Variants in AQP9 observed in about 807,000 individuals in gnomAD.
The protein encoded by AQP9 is aquaporin 9.
In AQP9, 19 loss-of-function variants were observed where a neutral mutation model predicts 23.8. The observed-to-expected ratio is 0.80, with a 90% CI of 0.56 to 1.17. The LOEUF is 1.17. AQP9 is among the 50% of genes most tolerant of loss of function. The pLI, the probability that AQP9 is intolerant of heterozygous loss-of-function variation, is 0.00. For synonymous variants in AQP9, 153 were observed against 131.5 expected, an observed-to-expected ratio of 1.16 and a Z score of -1.12; for missense variants, 413 against 362.0, an observed-to-expected ratio of 1.14 and a Z score of -1.14.
chr15:58,168,423 G>A (rs1898554376), intron 2 of AQP9, among the ~76,000 whole-genome samples: 1 of 152,204 alleles, frequency 6.6e-6, no homozygotes, highest in South Asian at 2.1e-4. Context: ...CTGCAGTTAA[G>A]CTGGCTGGCC....
rs1305241527 is a variant in AQP9, at chr15:58,179,258, T to G, written c.626T>G (p.Leu209Arg). ...LIIVIASSLG[L>R]NSGCAMNPAR... is the part of the protein sequence containing the mutation. ...ATTGTCATTGCTTCCTCCCTGGGAC[T>G]GAACAGTGGCTGTGCCATGAACCCA... Residue 209 changes from leucine to arginine, a missense_variant, in exon 5 of 6, where the codon CTG becomes CGG. Physicochemically the swap from Leu to Arg is moderately radical, Grantham distance 102. Transcript: ENST00000219919. 1 of 1,614,184 alleles carries G rather than the reference T, an allele frequency of 6.2e-7. No homozygotes were observed. Among genetic ancestry groups the G allele is most frequent in the Non-Finnish European group, 8.5e-7 (1 of 1,180,010 alleles).
chr15:58,179,549 G>C (rs1037107159), intron 5 of AQP9, among the ~76,000 whole-genome samples: 3 of 151,840 alleles, frequency 2.0e-5, no homozygotes, highest in East Asian at 1.9e-4. Context: ...AAGAGAGAGA[G>C]AGACAGAGAA....
At chr15:58,178,535 T>C (rs1898807140) in intron 4 of AQP9, among the ~76,000 whole-genome samples, 1 of 152,256 alleles carries the variant, frequency 6.6e-6, no homozygotes, top group Non-Finnish European at 1.5e-5. Context: ...CTGAATTTCC[T>C]TTTAAAAGCA....
At chr15:58,174,274 C>A (rs1005107745) in intron 3 of AQP9, among the ~76,000 whole-genome samples, 6 of 150,248 alleles carry the variant, frequency 4.0e-5, no homozygotes, top group African/African-American at 4.9e-5. Context: ...CAGAGCAAGA[C>A]CCTGTCTCCA....
chr15:58,163,518 G>T lies in AQP9; in HGVS notation c.112-3155G>T, dbSNP rs570410031. On this transcript the variant is annotated intron_variant, in intron 1 of 5. Transcript: ENST00000219919. Reference sequence around the variant, plus strand: ...GAAATCAAGATTATGCACTTGGAAGGTAAATAAGTACTTATTGTAGAGTAC... The same window carrying T: ...GAAATCAAGATTATGCACTTGGAAGTTAAATAAGTACTTATTGTAGAGTAC... 4.3e-4 allele frequency among the ~76,000 whole-genome samples: 65 copies of T among 152,238 alleles called. 1 individual carries two copies. The South Asian group carries it at 0.014, about 32-fold the overall frequency.
chr15:58,141,202 C>G (rs941219606), intron 1 of AQP9, among the ~76,000 whole-genome samples: 1 of 152,176 alleles, frequency 6.6e-6, no homozygotes, highest in Non-Finnish European at 1.5e-5. Context: ...TCATTTCTCA[C>G]AGGGACTATG....
chr15:58,147,423 C>T (rs1468009485), intron 1 of AQP9, among the ~76,000 whole-genome samples: 2 of 152,066 alleles, frequency 1.3e-5, no homozygotes, highest in African/African-American at 4.8e-5. Context: ...AATTAGGTGC[C>T]CATTATACCT....
chr15:58,149,505 C>T (rs1898109471), intron 1 of AQP9, among the ~76,000 whole-genome samples: 1 of 152,104 alleles, frequency 6.6e-6, no homozygotes, highest in Non-Finnish European at 1.5e-5. Flanking sequence ...AAAATGGAGA[C>T]AGAAAGAGAG....
intron 5 of AQP9, among the ~76,000 whole-genome samples, chr15:58,182,016 G>A (rs1898898420): frequency 6.6e-6 from 1 of 152,098 alleles, no homozygotes; most frequent in African/African-American, 2.4e-5. Flanking sequence ...AGGCTACCTT[G>A]TTCCCAGGTC....
chr15:58,172,387 C>G (rs986869057), intron 2 of AQP9, among the ~76,000 whole-genome samples: 4 of 152,182 alleles, frequency 2.6e-5, no homozygotes, highest in Non-Finnish European at 1.5e-5. Context: ...AGCAAACTCT[C>G]TATTTGATTT....
chr15:58,181,784 A>G lies in AQP9; in HGVS notation c.714-2177A>G, dbSNP rs144433185. On this transcript the variant is annotated intron_variant, in intron 5 of 5. Transcript: ENST00000219919. ...AATTAATCTGGCATCATCCTATAAG[A>G]CTGATTGAAAAAGGAGAGAGTGGGG... Among the ~76,000 whole-genome samples, 178 of 152,270 alleles carry G rather than the reference A, an allele frequency of 1.2e-3. 3 individuals are homozygous for G. In the East Asian group the frequency reaches 0.026, roughly 23 times the overall value.
Position 58,173,120 on chromosome 15 carries a change from G to A in AQP9, c.291G>A (p.Met97Ile). 6.2e-7 allele frequency: 1 copy of A among 1,614,006 alleles called. No individual in the cohort carries two copies. The highest frequency in any genetic ancestry group is 8.5e-7 in the Non-Finnish European group (1 of 1,179,886). Residue 97 changes from methionine to isoleucine, a missense_variant, in exon 3 of 6, where the codon ATG becomes ATA. Coordinates refer to ENST00000219919, the MANE Select transcript of AQP9 (RefSeq NM_020980.5). ...VSLAMCLFGR[M>I]KWFKLPFYVG... is the part of the protein sequence containing the mutation. ...TAGCAATGTGTCTCTTTGGACGGATGAAATGGTTCAAATTGCCATTTTATG... is the reference window on the plus strand; with the variant it reads ...TAGCAATGTGTCTCTTTGGACGGATAAAATGGTTCAAATTGCCATTTTATG...
At chr15:58,145,235 G>A (rs1361165379) in intron 1 of AQP9, among the ~76,000 whole-genome samples, 4 of 151,810 alleles carry the variant, frequency 2.6e-5, no homozygotes, top group African/African-American at 9.7e-5. Context: ...GGGCACAATG[G>A]CTGATGCCTG....
Position 58,138,442 on chromosome 15 carries a change from C to G in AQP9, c.-124C>G. ...AACGGCATTTGTACAGTCAGAGACT[C>G]TTACCAGACATCTCCAGGAATCTGT... On this transcript the variant is annotated 5_prime_UTR_variant, in exon 1 of 6. Transcript: ENST00000219919. The G allele has an allele frequency of 5.7e-6, 4 of 704,874 alleles. No homozygotes were observed. The highest frequency in any genetic ancestry group is 9.6e-6 in the Non-Finnish European group (4 of 415,152). 43.7% of individuals were successfully genotyped at this position (704,874 alleles called of 1,614,324 possible). A position where few individuals can be genotyped will look rare whatever the true frequency, so the allele number is the denominator to read the frequency against.
At chr15:58,183,492 A>AT (rs1898938955) in intron 5 of AQP9, among the ~76,000 whole-genome samples, 1 of 152,182 alleles carries the variant, frequency 6.6e-6, no homozygotes, top group Non-Finnish European at 1.5e-5. Context: ...TCCACCTTAG[A>AT]TTTTTTAAAA....
At chr15:58,176,832 A>G (rs1898769449) in intron 4 of AQP9, among the ~76,000 whole-genome samples, 1 of 151,978 alleles carries the variant, frequency 6.6e-6, no homozygotes, top group African/African-American at 2.4e-5. Flanking sequence ...ACTGGTCTCG[A>G]ACTCCTGACC....
At chr15:58,175,064 C>T in intron 4 of AQP9, 28 bp downstream of exon 4, 2 of 1,564,626 alleles carry the variant, frequency 1.3e-6, no homozygotes, top group East Asian at 2.2e-5. Context: ...AAAGACTTAA[C>T]TTTGGTGAAA....
chr15:58,183,078 C>A (rs1366437484), intron 5 of AQP9, among the ~76,000 whole-genome samples: 1 of 152,206 alleles, frequency 6.6e-6, no homozygotes, highest in Non-Finnish European at 1.5e-5. Flanking sequence ...CTTCTAGAAT[C>A]CAACTAGAAC....
In AQP9 at chr15:58,185,325, T is replaced by G. The variant is rs191165949; in HGVS notation, c.*1190T>G. ...CTGGCTGACAATCTTTGCCAAATCT[T>G]CCTTGCTAGCCAGAAGTGGAATTGG... On this transcript the variant is annotated 3_prime_UTR_variant, in exon 6 of 6. Coordinates refer to ENST00000219919, the MANE Select transcript of AQP9 (RefSeq NM_020980.5). 6.5e-6 allele frequency: 1 copy of G among 152,766 alleles called. No individual in the cohort carries two copies. Among genetic ancestry groups the G allele is most frequent in the Non-Finnish European group, 1.5e-5 (1 of 68,040 alleles). The allele number at this position is 152,766 out of a possible 1,614,324, so 9.5% of individuals were successfully genotyped here.
Sources: gnomAD v4.1 joint callset for allele counts (sites outside exome capture counted in the v4.1 genomes callset) on GRCh38, gnomAD v4.1.1 for gene constraint, MANE v1.5 for transcripts, NCBI Gene and HGNC (gene_info 2026-07-23, HGNC 2026-07-21) for gene names.